TENM2: variants seen among roughly 807,000 people sequenced by gnomAD.
The protein encoded by TENM2 is teneurin transmembrane protein 2, also known as teneurin-2.
In TENM2, 52 loss-of-function variants were observed where a neutral mutation model predicts 245.2. The ratio of observed to expected loss-of-function variants is 0.21; its 90% CI spans 0.17 to 0.27. The LOEUF (loss-of-function observed/expected upper bound fraction) is 0.27. Ranked by LOEUF, TENM2 falls within the 10% of genes least tolerant of loss-of-function variation. TENM2 has a pLI of 1.00. For synonymous variants in TENM2, 1,363 were observed against 1,438.9 expected (o/e 0.95, Z 1.19); for missense variants, 3,046 against 3,666.8 (o/e 0.83, Z 4.37).
intron 4 of TENM2, among the ~76,000 whole-genome samples, chr5:167,955,229 T>C (rs931059435): frequency 6.6e-6 from 1 of 152,176 alleles, no homozygotes; most frequent in Non-Finnish European, 1.5e-5. Flanking sequence ...GATAATGAGC[T>C]TTTTTTCATA....
At chr5:167,217,695 A>T in the TENM2 span, among the ~76,000 whole-genome samples, 1 of 145,640 alleles carries the variant, frequency 6.9e-6, no homozygotes, top group Non-Finnish European at 1.5e-5. Context: ...ATAAAATGAT[A>T]ATATATATGT....
chr5:167,178,720 G>A, the TENM2 span, among the ~76,000 whole-genome samples: 1 of 152,248 alleles, frequency 6.6e-6, no homozygotes, highest in Non-Finnish European at 1.5e-5. Flanking sequence ...ATGGCATGGT[G>A]TTGGCATTTC....
At chr5:167,226,940 A>G in the TENM2 span, among the ~76,000 whole-genome samples, 2 of 152,002 alleles carry the variant, frequency 1.3e-5, no homozygotes, top group East Asian at 3.9e-4. Context: ...GTCACCATAT[A>G]TATGTATATA....
At chr5:168,109,276 A>G (rs573112039) in intron 9 of TENM2, among the ~76,000 whole-genome samples, 1 of 152,322 alleles carries the variant, frequency 6.6e-6, no homozygotes, top group South Asian at 2.1e-4. Flanking sequence ...ACAGCAACTG[A>G]GCAGACACCC....
At chr5:167,659,889 C>T (rs1213411042) in intron 2 of TENM2, among the ~76,000 whole-genome samples, 2 of 152,138 alleles carry the variant, frequency 1.3e-5, no homozygotes, top group African/African-American at 4.8e-5. Flanking sequence ...CTCTTCCTCT[C>T]AAATTAGTAA....
chr5:167,969,900 C>T (rs113785497), intron 4 of TENM2, among the ~76,000 whole-genome samples: 10,403 of 152,258 alleles, frequency 0.068, 397 homozygotes, highest in African/African-American at 0.095. Context: ...GCCTGGATCA[C>T]GTGCCCATGT....
At chr5:166,983,719 G>A in the TENM2 span, among the ~76,000 whole-genome samples, 1 of 152,014 alleles carries the variant, frequency 6.6e-6, no homozygotes, top group Non-Finnish European at 1.5e-5. Flanking sequence ...CCTCTGTCTT[G>A]GGAAATATAA....
chr5:168,140,424 G>T (rs978031973), intron 12 of TENM2, among the ~76,000 whole-genome samples: 8 of 152,170 alleles, frequency 5.3e-5, no homozygotes, highest in Non-Finnish European at 8.8e-5. Context: ...ACCCTTTTCA[G>T]CTTATCTTCC....
chr5:167,837,731 T>G (rs1481120013), intron 2 of TENM2, among the ~76,000 whole-genome samples: 3 of 152,146 alleles, frequency 2.0e-5, no homozygotes, highest in Admixed American at 6.5e-5. Context: ...GACTACCAAG[T>G]AGGTGTTCAG....
At position 167,978,201 on chromosome 5, in the gene TENM2, G is replaced by T. The variant is rs144595827; in HGVS notation, c.948-14743G>T. On this transcript the variant is annotated intron_variant, in intron 4 of 28. Transcript: ENST00000518659. ...TTTCTTTGTAAATTACCCAGTCTCA[G>T]GGTCTCCTTAATAGCAACACAAAGT... Among the ~76,000 whole-genome samples, 1,462 of 152,258 alleles carry T rather than the reference G, an allele frequency of 9.6e-3. 16 individuals are homozygous for T. The highest frequency in any genetic ancestry group is 0.015 in the Non-Finnish European group (1,011 of 68,010).
intron 2 of TENM2, among the ~76,000 whole-genome samples, chr5:167,806,228 T>C (rs757127380): frequency 2.9e-4 from 44 of 152,072 alleles, no homozygotes; most frequent in Admixed American, 6.6e-4. Context: ...AAAAATTAAA[T>C]GACAACAATA....
intron 13 of TENM2, among the ~76,000 whole-genome samples, chr5:168,172,713 C>T (rs1758957471): frequency 6.6e-6 from 1 of 152,202 alleles, no homozygotes; most frequent in Non-Finnish European, 1.5e-5. Context: ...TAGCTTTTCC[C>T]TCCGGTTTTG....
chr5:167,520,215 A>G (rs1770664570), intron 2 of TENM2, among the ~76,000 whole-genome samples: 1 of 152,188 alleles, frequency 6.6e-6, no homozygotes, highest in South Asian at 2.1e-4. Flanking sequence ...TAACCATTAT[A>G]TGTCTGCATT....
chr5:167,788,935 G>C (rs1295011157), intron 2 of TENM2, among the ~76,000 whole-genome samples: 1 of 152,070 alleles, frequency 6.6e-6, no homozygotes, highest in East Asian at 1.9e-4. Flanking sequence ...TCTTCAAAAT[G>C]ACAGGTAGGA....
intron 2 of TENM2, among the ~76,000 whole-genome samples, chr5:167,807,396 C>G (rs1001486311): frequency 1.3e-5 from 2 of 151,848 alleles, no homozygotes; most frequent in African/African-American, 4.8e-5. Flanking sequence ...TTCACCTTGC[C>G]CACTACATAG....
intron 3 of TENM2, among the ~76,000 whole-genome samples, chr5:167,885,715 G>A (rs970250928): frequency 1.2e-4 from 18 of 152,206 alleles, no homozygotes; most frequent in Admixed American, 2.6e-4. Context: ...ATGGAGTCTC[G>A]CTCTGTTGGC....
Position 168,216,972 on chromosome 5 carries a change from C to G in TENM2, c.4233+50C>G, listed in dbSNP as rs145119850. Reference sequence around the variant, plus strand: ...CACTAAGCAACACCTGCCCCTTGGCCTGAGGTTCTTACCTGTTTCCTGTTT... The same window carrying G: ...CACTAAGCAACACCTGCCCCTTGGCGTGAGGTTCTTACCTGTTTCCTGTTT... On this transcript the variant is annotated intron_variant, in intron 22 of 28. Coordinates refer to ENST00000518659, the Ensembl canonical transcript of TENM2. The G allele has an allele frequency of 4.9e-4, 786 of 1,598,836 alleles. 4 individuals are homozygous for G. In the East Asian group the frequency reaches 9.6e-3, roughly 20 times the overall value.
rs202165206 is a variant in TENM2 at position 168,036,707 on chromosome 5, G to GTATA, written c.1187-10714_1187-10711dup. Among the ~76,000 whole-genome samples, 6 of 114,160 alleles carry GTATA rather than the reference G, an allele frequency of 5.3e-5. No individual in the cohort carries two copies. In the East Asian group the frequency reaches 1.2e-3, roughly 22 times the overall value. 74.9% of individuals were successfully genotyped at this position (114,160 alleles called of 152,430 possible). On this transcript the variant is annotated intron_variant, in intron 5 of 28. Transcript: ENST00000518659. ...TATATATATATATATATATGTATGT[G>GTATA]TATATATATGTATGTGTATATATAT...
chr5:167,656,324 T>C (rs921911003), intron 2 of TENM2, among the ~76,000 whole-genome samples: 2 of 152,144 alleles, frequency 1.3e-5, no homozygotes, highest in African/African-American at 4.8e-5. Flanking sequence ...GAATGTTACA[T>C]AAATACTCAT....
Sources: allele counts gnomAD v4.1 joint callset (sites outside exome capture counted in the v4.1 genomes callset), GRCh38; gene constraint gnomAD v4.1.1; transcripts MANE v1.5; gene names NCBI Gene and HGNC (gene_info 2026-07-23, HGNC 2026-07-21).